Variants in SBF2 observed in about 807,000 individuals in gnomAD.
SBF2 encodes myotubularin-related protein 13.
Under a neutral mutation model 225.2 loss-of-function variants are expected in SBF2, and 112 were observed. The observed-to-expected ratio is 0.50, with a 90% CI of 0.43 to 0.58. The LOEUF (loss-of-function observed/expected upper bound fraction) is 0.58. Ranked by LOEUF, SBF2 falls within the 20% of genes least tolerant of loss-of-function variation. The probability of loss-of-function intolerance (pLI) is 0.00; values close to 1 mark genes in which losing one functional copy is unlikely to be tolerated. For missense variants in SBF2, 1,996 were observed against 2,206.2 expected (o/e 0.90, Z 1.91); for synonymous variants, 763 against 773.3 (o/e 0.99, Z 0.22).
intron 23 of SBF2, 69 bp from the exon 24 acceptor site, chr11:9,845,809 A>G: frequency 1.4e-6 from 2 of 1,423,994 alleles, no homozygotes; most frequent in Non-Finnish European, 2.0e-6. Flanking sequence ...CCCAAACAAC[A>G]GAATATAATA....
chr11:10,094,787 G>C (rs1458600841), intron 2 of SBF2, among the ~76,000 whole-genome samples: 2 of 151,758 alleles, frequency 1.3e-5, no homozygotes, highest in Non-Finnish European at 2.9e-5. Flanking sequence ...TTATAGGCAT[G>C]AGCCACCGTC....
intron 17 of SBF2, among the ~76,000 whole-genome samples, chr11:9,879,672 G>A (rs547061265): frequency 6.6e-6 from 1 of 152,224 alleles, no homozygotes; most frequent in South Asian, 2.1e-4. Context: ...AATATTCGCT[G>A]TGCACGTACT....
chr11:9,909,600 G>A (rs2134180935), intron 16 of SBF2, among the ~76,000 whole-genome samples: 1 of 151,324 alleles, frequency 6.6e-6, no homozygotes, highest in East Asian at 1.9e-4. Context: ...AACCCGGGAG[G>A]TGGAGCTTGC....
intron 1 of SBF2, among the ~76,000 whole-genome samples, chr11:10,264,994 G>A (rs570896628): frequency 3.9e-5 from 6 of 152,124 alleles, no homozygotes; most frequent in Admixed American, 6.6e-5. Flanking sequence ...ATGGACATCT[G>A]GGTGGGTTCC....
At chr11:10,128,261 G>C (rs1289874700) in intron 2 of SBF2, among the ~76,000 whole-genome samples, 1 of 152,162 alleles carries the variant, frequency 6.6e-6, no homozygotes, top group African/African-American at 2.4e-5. Flanking sequence ...GTCAGGCATT[G>C]TATCAGTTTT....
chr11:10,293,054 GA>G (rs1964271090), intron 1 of SBF2, among the ~76,000 whole-genome samples: 1 of 152,182 alleles, frequency 6.6e-6, no homozygotes, highest in South Asian at 2.1e-4. Flanking sequence ...CAGCATCTCT[GA>G]AAAATGAAGG....
chr11:9,919,767 C>T (rs1362536295), intron 16 of SBF2, among the ~76,000 whole-genome samples: 1 of 151,998 alleles, frequency 6.6e-6, no homozygotes, highest in Non-Finnish European at 1.5e-5. Context: ...AGAAATTGGG[C>T]ATAAGACAAT....
At chr11:10,011,975 A>G (rs1948477009) in intron 6 of SBF2, among the ~76,000 whole-genome samples, 1 of 152,174 alleles carries the variant, frequency 6.6e-6, no homozygotes, top group African/African-American at 2.4e-5. Flanking sequence ...GATGCTCTGT[A>G]CCTAAAAGGT....
rs545401752 is a variant in SBF2 at position 9,874,774 on chromosome 11, T to C, written c.1930-16378A>G. ...AGAGGCTCTGACTTACAGAATATTATTGGATAAGTCACCTAAGCTCCTAGC... is the reference window on the plus strand; with the variant it reads ...AGAGGCTCTGACTTACAGAATATTACTGGATAAGTCACCTAAGCTCCTAGC... On this transcript the variant is annotated intron_variant, in intron 17 of 39. Coordinates refer to ENST00000256190, the MANE Select transcript of SBF2 (RefSeq NM_030962.4). 2.6e-5 allele frequency among the ~76,000 whole-genome samples: 4 copies of C among 152,316 alleles called. No homozygotes were observed. The Middle Eastern group carries it at 0.01, about 389-fold the overall frequency.
chr11:10,219,233 CT>C (rs1342257527), intron 1 of SBF2, among the ~76,000 whole-genome samples: 1 of 152,220 alleles, frequency 6.6e-6, no homozygotes, highest in Non-Finnish European at 1.5e-5. Context: ...CAATTCTTGA[CT>C]TTTGTGTACC....
intron 1 of SBF2, among the ~76,000 whole-genome samples, chr11:10,283,406 T>C (rs1277862684): frequency 6.6e-6 from 1 of 152,180 alleles, no homozygotes; most frequent in Admixed American, 6.5e-5. Context: ...CAAAATGTGG[T>C]ATTTCAGGTG....
chr11:9,932,787 C>T (rs1186231331), intron 16 of SBF2, among the ~76,000 whole-genome samples: 1 of 151,748 alleles, frequency 6.6e-6, no homozygotes, highest in Non-Finnish European at 1.5e-5. Context: ...ACAATATTAA[C>T]CTTAAATTTA....
chr11:9,965,837 C>T (rs907042189), intron 14 of SBF2, among the ~76,000 whole-genome samples: 2 of 152,158 alleles, frequency 1.3e-5, no homozygotes, highest in African/African-American at 2.4e-5. Context: ...GATTATTTCA[C>T]GTGACTTTTC....
Position 9,845,747 on chromosome 11 carries a change from G to C in SBF2, c.2935-7C>G. On this transcript the variant is annotated splice_polypyrimidine_tract_variant and splice_region_variant and intron_variant, in intron 23 of 39. Transcript: ENST00000256190. ...CAAATGCTACCTTAATCAACTAGAAGCAAAAGAGATTAAACACAAAAGAAG... is the reference window on the plus strand; with the variant it reads ...CAAATGCTACCTTAATCAACTAGAACCAAAAGAGATTAAACACAAAAGAAG... The C allele has an allele frequency of 6.2e-7, 1 of 1,613,054 alleles. No homozygotes were observed. The highest frequency in any genetic ancestry group is 8.5e-7 in the Non-Finnish European group (1 of 1,179,120).
At chr11:9,908,680 C>T (rs1318065133) in intron 16 of SBF2, among the ~76,000 whole-genome samples, 2 of 74,862 alleles carry the variant, frequency 2.7e-5, no homozygotes, top group East Asian at 2.2e-4. Context: ...GCCATCTGTT[C>T]ATAATCTTGT....
chr11:9,818,649 CTCTTTA>C lies in SBF2; in HGVS notation c.3794-1631_3794-1626del, dbSNP rs1030998407. 5.3e-5 allele frequency among the ~76,000 whole-genome samples: 8 copies of C among 152,334 alleles called. No homozygotes were observed. The East Asian group carries it at 7.7e-4, about 15-fold the overall frequency. ...CATGATGTCACATCTGCTTCTCTTT[CTCTTTA>C]TAAGCATTTACGGGGTCAGGAGACC... On this transcript the variant is annotated intron_variant, in intron 28 of 39. Transcript: ENST00000256190.
intron 2 of SBF2, among the ~76,000 whole-genome samples, chr11:10,045,073 G>A (rs1949799057): frequency 2.6e-5 from 4 of 152,120 alleles, no homozygotes; most frequent in Non-Finnish European, 5.9e-5. Flanking sequence ...TTTTTGTAAC[G>A]AGTTGTTTGG....
intron 2 of SBF2, among the ~76,000 whole-genome samples, chr11:10,125,730 A>G (rs1401553809): frequency 2.0e-5 from 3 of 152,208 alleles, no homozygotes; most frequent in African/African-American, 7.2e-5. Flanking sequence ...CAGTGTTTCC[A>G]CTAATGTCCT....
intron 16 of SBF2, among the ~76,000 whole-genome samples, chr11:9,930,789 G>A (rs1166867443): frequency 2.0e-5 from 3 of 152,220 alleles, no homozygotes; most frequent in Admixed American, 6.5e-5. Context: ...CCGAAGCAGC[G>A]TGGGGTGTCA....
Sources: gnomAD v4.1 joint callset for allele counts (sites outside exome capture counted in the v4.1 genomes callset) on GRCh38, gnomAD v4.1.1 for gene constraint, MANE v1.5 for transcripts, NCBI Gene and HGNC (gene_info 2026-07-23, HGNC 2026-07-21) for gene names.